Variants in MCU observed in about 807,000 individuals in gnomAD.
MCU encodes the protein calcium uniporter protein, mitochondrial.
A neutral mutation model predicts 45.2 loss-of-function variants in MCU; 12 were observed. That is an observed-to-expected ratio of 0.27 (90% CI 0.17 to 0.43). MCU has a LOEUF of 0.43. MCU is among the 20% of genes least tolerant of loss of function. MCU has a pLI of 1.00. For missense variants in MCU, 324 were observed against 436.7 expected (o/e 0.74, Z 2.30); for synonymous variants, 160 against 165.1 (o/e 0.97, Z 0.24).
chr10:72,729,322 T>C (rs2132682167), intron 1 of MCU, among the ~76,000 whole-genome samples: 1 of 152,150 alleles, frequency 6.6e-6, no homozygotes, highest in Admixed American at 6.5e-5. Flanking sequence ...AAAAAAAATT[T>C]AGCCGGGCAT....
intron 1 of MCU, among the ~76,000 whole-genome samples, chr10:72,734,961 C>T (rs1843232331): frequency 6.6e-6 from 1 of 151,656 alleles, no homozygotes; most frequent in Non-Finnish European, 1.5e-5. Context: ...TACCCGTAGT[C>T]CCAGCTACTA....
chr10:72,871,345 C>T (rs1169352585), intron 5 of MCU, 32 bp from the exon 6 acceptor site: 5 of 1,604,528 alleles, frequency 3.1e-6, no homozygotes, highest in Non-Finnish European at 4.3e-6. Context: ...GGTTTTATGT[C>T]AAAATGCCTT....
intron 1 of MCU, among the ~76,000 whole-genome samples, chr10:72,738,374 T>TTTTTAGA (rs1843280068): frequency 6.6e-6 from 1 of 152,220 alleles, no homozygotes; most frequent in Non-Finnish European, 1.5e-5. Flanking sequence ...TGGATTTAGC[T>TTTTTAGA]TTTAGATTGA....
At chr10:72,872,263 T>G (rs1259225708) in intron 6 of MCU, among the ~76,000 whole-genome samples, 1 of 152,164 alleles carries the variant, frequency 6.6e-6, no homozygotes, top group African/African-American at 2.4e-5. Context: ...ATTTTTTTTT[T>G]GTTGGGGACA....
chr10:72,818,654 A>T (rs995563637), intron 1 of MCU, among the ~76,000 whole-genome samples: 1 of 152,096 alleles, frequency 6.6e-6, no homozygotes, highest in African/African-American at 2.4e-5. Flanking sequence ...AGCCTGGCCA[A>T]CGTGGTGAAA....
chr10:72,809,790 A>G (rs1398099464), intron 1 of MCU, among the ~76,000 whole-genome samples: 1 of 152,214 alleles, frequency 6.6e-6, no homozygotes. Flanking sequence ...TAGCTGGAAG[A>G]GCAAGAAGGC....
At chr10:72,740,377 CAAA>C (rs567402147) in intron 1 of MCU, among the ~76,000 whole-genome samples, 2 of 107,320 alleles carry the variant, frequency 1.9e-5, no homozygotes, top group Non-Finnish European at 2.0e-5. Flanking sequence ...GACTCTGTCT[CAAA>C]AAAAAAAAAA....
intron 1 of MCU, among the ~76,000 whole-genome samples, chr10:72,754,955 C>G (rs544155715): frequency 6.6e-6 from 1 of 152,290 alleles, no homozygotes; most frequent in Non-Finnish European, 1.5e-5. Context: ...TCACATATTT[C>G]ATAACAAACT....
At chr10:72,744,705 G>A (rs1843386282) in intron 1 of MCU, among the ~76,000 whole-genome samples, 1 of 152,166 alleles carries the variant, frequency 6.6e-6, no homozygotes, top group Non-Finnish European at 1.5e-5. Context: ...AGCACAGCTG[G>A]TAGTTATTCA....
intron 1 of MCU, among the ~76,000 whole-genome samples, chr10:72,805,349 A>G (rs767190922): frequency 1.3e-5 from 2 of 151,016 alleles, no homozygotes; most frequent in African/African-American, 2.4e-5. Context: ...CCTGGGTTCA[A>G]GTGATTCTCA....
intron 2 of MCU, among the ~76,000 whole-genome samples, chr10:72,857,534 G>A (rs1051530639): frequency 1.3e-5 from 2 of 151,998 alleles, no homozygotes; most frequent in African/African-American, 4.8e-5. Flanking sequence ...CACCATGCCT[G>A]GCCAAAGCCC....
intron 1 of MCU, among the ~76,000 whole-genome samples, chr10:72,751,087 A>G (rs1464336976): frequency 6.6e-6 from 1 of 151,532 alleles, no homozygotes; most frequent in African/African-American, 2.4e-5. Flanking sequence ...TGCAATCTCC[A>G]TCTCCTGGGT....
intron 6 of MCU, 41 bp from the exon 7 acceptor site, chr10:72,884,225 G>A (rs753580400): frequency 4.3e-6 from 5 of 1,160,046 alleles, no homozygotes; most frequent in Non-Finnish European, 6.5e-6. Flanking sequence ...TGTGAAGATA[G>A]TATGCTAAGG....
At chr10:72,878,199 GCCTCA>G (rs1845647252) in intron 6 of MCU, among the ~76,000 whole-genome samples, 1 of 135,414 alleles carries the variant, frequency 7.4e-6, no homozygotes, top group Non-Finnish European at 1.5e-5. Context: ...GCTTACTGTA[GCCTCA>G]TACTCCCAGG....
chr10:72,826,707 C>G (rs575701296), intron 1 of MCU, among the ~76,000 whole-genome samples: 112 of 152,344 alleles, frequency 7.4e-4, no homozygotes, highest in African/African-American at 2.4e-3. Context: ...GGTTCCCCCT[C>G]ACCTGCTGTT....
chr10:72,878,877 T>G (rs1845658439), intron 6 of MCU, among the ~76,000 whole-genome samples: 4 of 152,102 alleles, frequency 2.6e-5, no homozygotes. Context: ...GAAACAATAT[T>G]TAAATAAAGA....
chr10:72,789,055 T>G (rs1275638840), intron 1 of MCU, among the ~76,000 whole-genome samples: 1 of 152,182 alleles, frequency 6.6e-6, no homozygotes, highest in Non-Finnish European at 1.5e-5. Context: ...TCATTTTTGC[T>G]TTCTAGAATG....
chr10:72,757,409 T>A (rs1843593780), intron 1 of MCU, among the ~76,000 whole-genome samples: 1 of 152,172 alleles, frequency 6.6e-6, no homozygotes, highest in South Asian at 2.1e-4. Flanking sequence ...CTTCATCTCC[T>A]TCTTCCTCCT....
chr10:72,790,703 A>G (rs1009421631), intron 1 of MCU, among the ~76,000 whole-genome samples: 1 of 152,176 alleles, frequency 6.6e-6, no homozygotes, highest in Non-Finnish European at 1.5e-5. Context: ...CTCTGTATCT[A>G]GGGAAGGCTG....
Sources: gnomAD v4.1 joint callset for allele counts (sites outside exome capture counted in the v4.1 genomes callset) on GRCh38, gnomAD v4.1.1 for gene constraint, MANE v1.5 for transcripts, NCBI Gene and HGNC (gene_info 2026-07-23, HGNC 2026-07-21) for gene names.